ADORA2B: variants seen among roughly 807,000 people sequenced by gnomAD.
ADORA2B encodes the protein adenosine A2b receptor.
ADORA2B carries 18 observed loss-of-function variants against 20.8 expected under a neutral mutation model. The observed-to-expected ratio is 0.87, with a 90% CI of 0.60 to 1.29. The LOEUF is 1.29. ADORA2B is among the 50% of genes most tolerant of loss of function. The pLI is 0.00. For synonymous variants in ADORA2B, 179 were observed against 178.3 expected (o/e 1.00, Z -0.03); for missense variants, 441 against 422.7 (o/e 1.04, Z -0.38).
the ADORA2B span, among the ~76,000 whole-genome samples, chr17:15,919,669 G>A: frequency 1.2e-4 from 19 of 152,180 alleles, no homozygotes; most frequent in African/African-American, 4.6e-4. Context: ...ATGTTGCAAG[G>A]GTTGAGCCTC....
chr17:15,855,192 A>G, the ADORA2B span, among the ~76,000 whole-genome samples: 18 of 152,094 alleles, frequency 1.2e-4, no homozygotes, highest in South Asian at 2.1e-4. Flanking sequence ...CGGCCTCCCA[A>G]AGTGCTGGGA....
the ADORA2B span, among the ~76,000 whole-genome samples, chr17:15,879,159 AT>A: frequency 3.9e-5 from 6 of 152,346 alleles, no homozygotes; most frequent in East Asian, 1.2e-3. Flanking sequence ...ATAGTCAAAA[AT>A]GCAATAAGGG....
chr17:15,909,923 C>G, the ADORA2B span, among the ~76,000 whole-genome samples: 18 of 152,342 alleles, frequency 1.2e-4, no homozygotes, highest in East Asian at 1.9e-3. Context: ...CTCCCCAGAG[C>G]CGCCCCAGTC....
At chr17:15,879,712 T>C in the ADORA2B span, among the ~76,000 whole-genome samples, 1 of 150,068 alleles carries the variant, frequency 6.7e-6, no homozygotes, top group Non-Finnish European at 1.5e-5. Flanking sequence ...TAATTTTTTG[T>C]ATTTTTAGTA....
At chr17:15,940,707 G>A (rs1303468843), upstream of ADORA2B, among the ~76,000 whole-genome samples, 3 of 152,200 alleles carry the variant, frequency 2.0e-5, no homozygotes, top group Non-Finnish European at 4.4e-5. Flanking sequence ...GGAAAGGTAT[G>A]CCCCTTCCTC....
At chr17:15,854,005 G>T in the ADORA2B span, among the ~76,000 whole-genome samples, 1 of 151,762 alleles carries the variant, frequency 6.6e-6, no homozygotes, top group Non-Finnish European at 1.5e-5. Flanking sequence ...GCCCAGGCTG[G>T]AGTGCAATGG....
the ADORA2B span, among the ~76,000 whole-genome samples, chr17:15,877,851 T>C: frequency 2.0e-5 from 3 of 152,138 alleles, no homozygotes; most frequent in Non-Finnish European, 4.4e-5. Context: ...TTTTGTACCA[T>C]AGTCAGGTCT....
the ADORA2B span, among the ~76,000 whole-genome samples, chr17:15,903,349 A>C: frequency 6.6e-6 from 1 of 152,244 alleles, no homozygotes; most frequent in Non-Finnish European, 1.5e-5. Flanking sequence ...ATTGAAATGG[A>C]AAATATATAT....
chr17:15,935,274 A>G, the ADORA2B span, among the ~76,000 whole-genome samples: 3 of 151,536 alleles, frequency 2.0e-5, no homozygotes, highest in Non-Finnish European at 2.9e-5. Context: ...TTGTTTATCT[A>G]CTCTCTTAAT....
the ADORA2B span, among the ~76,000 whole-genome samples, chr17:15,876,179 G>A: frequency 6.6e-6 from 1 of 151,424 alleles, no homozygotes; most frequent in African/African-American, 2.4e-5. Flanking sequence ...TTGCATCTTT[G>A]TTTTACCCTA....
the ADORA2B span, among the ~76,000 whole-genome samples, chr17:15,860,055 G>T: frequency 4.6e-5 from 7 of 152,170 alleles, no homozygotes; most frequent in Non-Finnish European, 1.0e-4. Flanking sequence ...CATAAGAAAA[G>T]CACTGTGAAG....
chr17:15,918,835 G>A, the ADORA2B span, among the ~76,000 whole-genome samples: 6 of 152,168 alleles, frequency 3.9e-5, no homozygotes, highest in Non-Finnish European at 5.9e-5. Flanking sequence ...AGGAATTATT[G>A]GTTGTTTATC....
chr17:15,953,372 A>G (rs1268812048), intron 1 of ADORA2B, among the ~76,000 whole-genome samples: 1 of 152,190 alleles, frequency 6.6e-6, no homozygotes, highest in Non-Finnish European at 1.5e-5. Context: ...AAACAGTCAA[A>G]AGTACAAAAA....
chr17:15,892,573 C>T, the ADORA2B span, among the ~76,000 whole-genome samples: 2 of 152,140 alleles, frequency 1.3e-5, no homozygotes, highest in South Asian at 2.1e-4. Context: ...TGAGCCATGA[C>T]GCCTGGCCCA....
intron 1 of ADORA2B, among the ~76,000 whole-genome samples, chr17:15,966,120 C>T (rs1970112216): frequency 6.6e-6 from 1 of 152,170 alleles, no homozygotes; most frequent in Admixed American, 6.5e-5. Flanking sequence ...GTATATATTG[C>T]TTTATAGCAG....
intron 1 of ADORA2B, among the ~76,000 whole-genome samples, chr17:15,966,235 A>G (rs764255525): frequency 6.6e-6 from 1 of 152,262 alleles, no homozygotes; most frequent in Non-Finnish European, 1.5e-5. Context: ...AAGCGGCAGT[A>G]GAACTCTGTG....
chr17:15,930,357 C>T, the ADORA2B span, among the ~76,000 whole-genome samples: 1 of 149,168 alleles, frequency 6.7e-6, no homozygotes, highest in South Asian at 2.1e-4. Flanking sequence ...AGTGCAGTGG[C>T]GTGATCTCAG....
At chr17:15,874,078 AT>A in the ADORA2B span, among the ~76,000 whole-genome samples, 2 of 141,386 alleles carry the variant, frequency 1.4e-5, no homozygotes, top group East Asian at 4.0e-4. Flanking sequence ...GTATATATAT[AT>A]ATGTATATAT....
chr17:15,929,858 G>C, the ADORA2B span, among the ~76,000 whole-genome samples: 1 of 152,268 alleles, frequency 6.6e-6, no homozygotes, highest in African/African-American at 2.4e-5. Context: ...GTTGCCAGGG[G>C]CTGGGGGAAG....
Sources: allele counts gnomAD v4.1 joint callset (sites outside exome capture counted in the v4.1 genomes callset), GRCh38; gene constraint gnomAD v4.1.1; transcripts MANE v1.5; gene names NCBI Gene and HGNC (gene_info 2026-07-23, HGNC 2026-07-21).